Variants in DDC observed in about 807,000 individuals in gnomAD.
DDC encodes aromatic-L-amino-acid decarboxylase.
DDC carries 43 observed loss-of-function variants against 60.0 expected under a neutral mutation model. That is an observed-to-expected ratio of 0.72 (90% CI 0.56 to 0.92). DDC has a LOEUF of 0.92. Ranked by LOEUF, DDC falls within the 40% of genes least tolerant of loss-of-function variation. DDC has a pLI of 0.00. For missense variants in DDC, 573 were observed against 620.2 expected (o/e 0.92, Z 0.81); for synonymous variants, 232 against 234.6 (o/e 0.99, Z 0.10).
At chr7:50,489,351 T>C (rs1222994270) in intron 9 of DDC, among the ~76,000 whole-genome samples, 1 of 152,174 alleles carries the variant, frequency 6.6e-6, no homozygotes, top group East Asian at 1.9e-4. Context: ...AATTCTTCTA[T>C]GAAATAGAAA....
intron 1 of DDC, among the ~76,000 whole-genome samples, chr7:50,549,546 C>G (rs557401888): frequency 1.3e-5 from 2 of 151,458 alleles, no homozygotes; most frequent in African/African-American, 4.9e-5. Context: ...CCCAGCTACT[C>G]GGGAGGCTGA....
chr7:50,517,204 T>C (rs1433103049), intron 6 of DDC, among the ~76,000 whole-genome samples: 3 of 152,010 alleles, frequency 2.0e-5, no homozygotes, highest in African/African-American at 7.3e-5. Flanking sequence ...CAAAAATATA[T>C]CATAAAGATA....
At chr7:50,546,983 TGGG>T (rs2044826975) in intron 1 of DDC, among the ~76,000 whole-genome samples, 1 of 152,230 alleles carries the variant, frequency 6.6e-6, no homozygotes, top group Non-Finnish European at 1.5e-5. Context: ...TACAATTCCT[TGGG>T]GCCTGCAGGC....
At position 50,502,326 on chromosome 7, in the gene DDC, G is replaced by A. The variant is rs371910906; in HGVS notation, c.781+1667C>T. Among the ~76,000 whole-genome samples, 5 of 152,274 alleles carry A rather than the reference G, an allele frequency of 3.3e-5. No homozygotes were observed. In the East Asian group the frequency reaches 5.8e-4, roughly 18 times the overall value. ...GGACTGTGACTGGCAGGTGACACAC[G>A]CTGGCTGTCATCTCCATGGTCCAGC... is the stretch of plus-strand genomic sequence containing the variant. On this transcript the variant is annotated intron_variant, in intron 7 of 14. Coordinates refer to ENST00000444124, the MANE Select transcript of DDC (RefSeq NM_001082971.2).
chr7:50,492,164 G>T (rs2043010436), intron 9 of DDC, among the ~76,000 whole-genome samples: 1 of 152,212 alleles, frequency 6.6e-6, no homozygotes, highest in Non-Finnish European at 1.5e-5. Context: ...CAGACCTCTG[G>T]CCTCTAGGAC....
intron 7 of DDC, among the ~76,000 whole-genome samples, chr7:50,499,730 C>T (rs1372809248): frequency 6.6e-6 from 1 of 152,206 alleles, no homozygotes; most frequent in Non-Finnish European, 1.5e-5. Flanking sequence ...CTTTACTTTA[C>T]ACCATCTTAG....
Position 50,564,674 on chromosome 7 carries a change from CAT to C in DDC, c.-29+609_-29+610del, listed in dbSNP as rs568881883. Among the ~76,000 whole-genome samples the C allele has an allele frequency of 3.7e-3, 566 of 152,262 alleles. 4 individuals are homozygous for C. The highest frequency in any genetic ancestry group is 6.4e-3 in the Non-Finnish European group (432 of 68,024). ...TTCTCCCAATAGAAATTCCTATCCGCATATGTTTTCAGATGGGAATTGTACTC... is the reference window on the plus strand; with the variant it reads ...TTCTCCCAATAGAAATTCCTATCCGCATGTTTTCAGATGGGAATTGTACTC... On this transcript the variant is annotated intron_variant, in intron 1 of 14. Transcript: ENST00000444124.
At chr7:50,522,365 A>G (rs1401927077) in intron 6 of DDC, among the ~76,000 whole-genome samples, 1 of 152,236 alleles carries the variant, frequency 6.6e-6, no homozygotes, top group African/African-American at 2.4e-5. Context: ...CGTAAATTCA[A>G]TGCAATCCTA....
intron 4 of DDC, among the ~76,000 whole-genome samples, chr7:50,537,542 C>T (rs1396557232): frequency 1.3e-5 from 2 of 152,198 alleles, no homozygotes; most frequent in African/African-American, 4.8e-5. Context: ...ATGGGGAACC[C>T]CACACAAACG....
intron 6 of DDC, among the ~76,000 whole-genome samples, chr7:50,507,525 C>T (rs1050368112): frequency 1.3e-5 from 2 of 152,184 alleles, no homozygotes; most frequent in Non-Finnish European, 2.9e-5. Flanking sequence ...AGCCACCATG[C>T]CCAGCCAATA....
rs2153540570 is a variant in DDC at position 50,504,056 on chromosome 7, C to A, written c.718G>T (p.Val240Phe). ...CATGTTGTGGTCCCCAGGGTGGCAA[C>A]CATCTAGAGGGTAAAAAGCAGACAG... ...KAAGLIPFFMVATLGTTTCCS... is the reference protein window; with the variant it reads ...KAAGLIPFFMFATLGTTTCCS... The change falls in exon 7 of 15, where the codon GTT (valine) becomes TTT (phenylalanine). Residue 240 changes from valine to phenylalanine, a missense_variant. Physicochemically the swap from Val to Phe is conservative, Grantham distance 50. Coordinates refer to ENST00000444124, the MANE Select transcript of DDC (RefSeq NM_001082971.2). 2 of 1,612,688 alleles carry A rather than the reference C, an allele frequency of 1.2e-6. No homozygotes were observed. The highest frequency in any genetic ancestry group is 1.7e-6 in the Non-Finnish European group (2 of 1,178,714).
chr7:50,510,359 C>T (rs2043520098), intron 6 of DDC, among the ~76,000 whole-genome samples: 1 of 152,004 alleles, frequency 6.6e-6, no homozygotes, highest in Non-Finnish European at 1.5e-5. Flanking sequence ...TTTAAGTGCA[C>T]CAATTACTAC....
chr7:50,481,925 C>T (rs572465160), intron 9 of DDC, among the ~76,000 whole-genome samples: 5 of 152,346 alleles, frequency 3.3e-5, no homozygotes, highest in African/African-American at 4.8e-5. Flanking sequence ...CTTGCTCACT[C>T]ATTTGTATGA....
chr7:50,503,263 G>A (rs796596472), intron 7 of DDC, among the ~76,000 whole-genome samples: 19 of 152,352 alleles, frequency 1.2e-4, no homozygotes, highest in African/African-American at 4.3e-4. Flanking sequence ...GAAAGGGGGA[G>A]CCCCCTGAGC....
chr7:50,516,494 A>G (rs749468257), intron 6 of DDC, among the ~76,000 whole-genome samples: 1 of 152,144 alleles, frequency 6.6e-6, no homozygotes, highest in Non-Finnish European at 1.5e-5. Flanking sequence ...ACAAACTGAC[A>G]TTCTAAGGAC....
intron 6 of DDC, among the ~76,000 whole-genome samples, chr7:50,512,870 T>C (rs981332077): frequency 5.3e-5 from 8 of 152,248 alleles, no homozygotes; most frequent in African/African-American, 1.9e-4. Flanking sequence ...AACACCTATG[T>C]AGGGGAAATT....
chr7:50,491,856 G>T (rs1562998695), intron 9 of DDC, among the ~76,000 whole-genome samples: 1 of 152,024 alleles, frequency 6.6e-6, no homozygotes, highest in Non-Finnish European at 1.5e-5. Context: ...AATACTGCCG[G>T]CCTCAAAATC....
At chr7:50,465,329 G>A (rs550425942) in intron 13 of DDC, among the ~76,000 whole-genome samples, 2 of 152,274 alleles carry the variant, frequency 1.3e-5, no homozygotes, top group African/African-American at 4.8e-5. Flanking sequence ...ATTAGATTGT[G>A]GTGATGGCTG....
At chr7:50,540,081 G>T in intron 2 of DDC, 53 bp from the exon 3 acceptor site, 1 of 1,420,060 alleles carries the variant, frequency 7.0e-7, no homozygotes, top group Non-Finnish European at 9.8e-7. Flanking sequence ...CAGGCCTCAA[G>T]AGAGCGGGGG....
Sources: gnomAD v4.1 joint callset for allele counts (sites outside exome capture counted in the v4.1 genomes callset) on GRCh38, gnomAD v4.1.1 for gene constraint, MANE v1.5 for transcripts, NCBI Gene and HGNC (gene_info 2026-07-23, HGNC 2026-07-21) for gene names.